SEC24A: variants seen among roughly 807,000 people sequenced by gnomAD.
SEC24A encodes the protein protein transport protein Sec24A.
In SEC24A, 93 loss-of-function variants were observed where a neutral mutation model predicts 129.4. That is an observed-to-expected ratio of 0.72 (90% confidence interval 0.61 to 0.85). SEC24A has a LOEUF of 0.85. Among genes scored for constraint, SEC24A ranks in the 40% least tolerant of loss-of-function variants. The pLI, the probability that SEC24A is intolerant of heterozygous loss-of-function variation, is 0.00. For missense variants in SEC24A, 1,264 were observed against 1,307.4 expected (o/e 0.97, Z 0.51); for synonymous variants, 460 against 467.3 (o/e 0.98, Z 0.20).
intron 2 of SEC24A, among the ~76,000 whole-genome samples, chr5:134,664,309 G>A (rs1750578408): frequency 6.6e-6 from 1 of 151,710 alleles, no homozygotes; most frequent in African/African-American, 2.4e-5. Context: ...GAGTATTTAG[G>A]TTATACTAAG....
At chr5:134,681,913 A>G (rs567685962) in intron 8 of SEC24A, among the ~76,000 whole-genome samples, 2 of 152,216 alleles carry the variant, frequency 1.3e-5, no homozygotes, top group Admixed American at 1.3e-4. Context: ...TACATTTCAT[A>G]TGTGAAATGT....
intron 1 of SEC24A, among the ~76,000 whole-genome samples, chr5:134,651,702 G>T (rs1288134854): frequency 1.3e-5 from 2 of 151,958 alleles, no homozygotes; most frequent in Non-Finnish European, 2.9e-5. Context: ...GACCTCAAGT[G>T]ATCCTCCTGA....
chr5:134,653,637 CT>C (rs1252483939), intron 1 of SEC24A, among the ~76,000 whole-genome samples: 1 of 148,464 alleles, frequency 6.7e-6, no homozygotes, highest in African/African-American at 2.5e-5. Flanking sequence ...GGCCGAGGTG[CT>C]AGGATTGTTT....
chr5:134,684,977 T>A (rs1420090576), intron 9 of SEC24A, among the ~76,000 whole-genome samples: 3 of 152,138 alleles, frequency 2.0e-5, no homozygotes, highest in Non-Finnish European at 2.9e-5. Context: ...AAGTGATACA[T>A]GCAAAAATAT....
intron 3 of SEC24A, among the ~76,000 whole-genome samples, chr5:134,670,022 G>T (rs543772565): frequency 1.3e-5 from 2 of 152,136 alleles, no homozygotes; most frequent in Admixed American, 1.3e-4. Context: ...CGCCTCCCAG[G>T]TTCAAGCGAT....
At chr5:134,713,183 G>A (rs562471818) in intron 18 of SEC24A, among the ~76,000 whole-genome samples, 3 of 151,884 alleles carry the variant, frequency 2.0e-5, no homozygotes, top group Non-Finnish European at 4.4e-5. Flanking sequence ...CACCCGCCTC[G>A]GCCTCCCAAA....
intron 9 of SEC24A, 104 bp downstream of exon 9, chr5:134,682,586 GAC>G: frequency 1.7e-6 from 1 of 601,270 alleles, no homozygotes; most frequent in South Asian, 2.2e-5. Flanking sequence ...TTTATTTTGA[GAC>G]AGAGTTTCAC....
chr5:134,723,403 G>T (rs961873390), intron 21 of SEC24A, among the ~76,000 whole-genome samples, 164 bp from the exon 22 acceptor site: 1 of 151,930 alleles, frequency 6.6e-6, no homozygotes, highest in African/African-American at 2.4e-5. Context: ...GGTTGAGACT[G>T]CAGTGAGCCA....
chr5:134,654,167 ATAAAT>A (rs1218436031), intron 1 of SEC24A, among the ~76,000 whole-genome samples: 1 of 151,888 alleles, frequency 6.6e-6, no homozygotes, highest in Non-Finnish European at 1.5e-5. Context: ...ACAAAAATAA[ATAAAT>A]TAATAAAAAA....
intron 20 of SEC24A, among the ~76,000 whole-genome samples, chr5:134,720,120 T>C (rs989844157): frequency 1.3e-5 from 2 of 152,386 alleles, no homozygotes; most frequent in African/African-American, 2.4e-5. Context: ...TGTCCAGTAA[T>C]GTCCTAGGCC....
intron 15 of SEC24A, among the ~76,000 whole-genome samples, chr5:134,700,376 C>T (rs532478474): frequency 2.0e-5 from 3 of 152,038 alleles, no homozygotes; most frequent in South Asian, 4.2e-4. Context: ...CATGCCACCA[C>T]GCCTAGCTAA....
chr5:134,693,131 A>T, intron 12 of SEC24A: 2 of 1,535,434 alleles, frequency 1.3e-6, no homozygotes, highest in African/African-American at 1.4e-5. Context: ...TGAAGGGGGG[A>T]TGTTGTCTAC....
At chr5:134,660,198 CAAA>C (rs549425619) in intron 1 of SEC24A, among the ~76,000 whole-genome samples, 2 of 89,126 alleles carry the variant, frequency 2.2e-5, no homozygotes, top group Admixed American at 1.2e-4. Flanking sequence ...TCTGTCTCTA[CAAA>C]AAAAAAAAAA....
chr5:134,672,288 A>T (rs563207581), intron 4 of SEC24A, among the ~76,000 whole-genome samples: 1 of 152,238 alleles, frequency 6.6e-6, no homozygotes, highest in African/African-American at 2.4e-5. Context: ...CCTGGGTTCA[A>T]GTGATTCTCC....
intron 8 of SEC24A, among the ~76,000 whole-genome samples, 179 bp from the exon 9 acceptor site, chr5:134,682,194 C>T (rs1213088283): frequency 2.0e-5 from 3 of 151,268 alleles, no homozygotes; most frequent in African/African-American, 7.3e-5. Flanking sequence ...AGTGAGCTGA[C>T]ATTGCACCAC....
At chr5:134,711,420 G>A (rs1752321010) in intron 18 of SEC24A, among the ~76,000 whole-genome samples, 2 of 152,006 alleles carry the variant, frequency 1.3e-5, no homozygotes, top group South Asian at 4.1e-4. Flanking sequence ...GCTCATGCCT[G>A]TAATCCCAGC....
At chr5:134,695,514 T>C (rs1184358109) in intron 13 of SEC24A, among the ~76,000 whole-genome samples, 1 of 151,964 alleles carries the variant, frequency 6.6e-6, no homozygotes, top group African/African-American at 2.4e-5. Flanking sequence ...TGGCCGGGCA[T>C]GGTGGCTCAC....
At chr5:134,669,999 C>G (rs926520784) in intron 3 of SEC24A, among the ~76,000 whole-genome samples, 1 of 151,998 alleles carries the variant, frequency 6.6e-6, no homozygotes, top group Non-Finnish European at 1.5e-5. Context: ...GGATCTTGGC[C>G]CACTGCAGCT....
At chr5:134,657,482 T>C (rs1344811355) in intron 1 of SEC24A, among the ~76,000 whole-genome samples, 1 of 152,166 alleles carries the variant, frequency 6.6e-6, no homozygotes, top group Non-Finnish European at 1.5e-5. Flanking sequence ...CCACATAAAA[T>C]CCCATGAATG....
Sources: allele counts gnomAD v4.1 joint callset (sites outside exome capture counted in the v4.1 genomes callset), GRCh38; gene constraint gnomAD v4.1.1; transcripts MANE v1.5; gene names NCBI Gene and HGNC (gene_info 2026-07-23, HGNC 2026-07-21).